The following GPC5 variants were observed in gnomAD, a reference collection of about 807,000 sequenced individuals.
GPC5 encodes glypican 5.
A neutral mutation model predicts 53.9 loss-of-function variants in GPC5; 47 were observed. That is an observed-to-expected ratio of 0.87 (90% CI 0.69 to 1.11). The LOEUF (loss-of-function observed/expected upper bound fraction) is 1.11, where lower values mean the gene tolerates loss of function less well. GPC5 is among the 50% of genes most tolerant of loss of function. The probability of loss-of-function intolerance (pLI) is 0.00; values close to 1 mark genes in which losing one functional copy is unlikely to be tolerated. For missense variants in GPC5, 748 were observed against 713.1 expected, an observed-to-expected ratio of 1.05 and a Z score of -0.56; for synonymous variants, 286 against 263.3, an observed-to-expected ratio of 1.09 and a Z score of -0.84.
At position 92,347,891 on chromosome 13, in the gene GPC5, TTATATATATA is replaced by T. The variant is rs1566549877; in HGVS notation, c.1561+202903_1561+202912del. On this transcript the variant is annotated intron_variant, in intron 7 of 7. Coordinates refer to ENST00000377067, the MANE Select transcript of GPC5 (RefSeq NM_004466.6). The stretch of plus-strand genomic sequence containing the variant: ...ATATATATAATATATATTATATATA[TTATATATATA>T]ATATATATATAATATATATATATTA... 5.6e-3 allele frequency among the ~76,000 whole-genome samples: 91 copies of T among 16,358 alleles called. 19 individuals are homozygous for T. Among genetic ancestry groups the T allele is most frequent in the Non-Finnish European group, 4.2e-3 (50 of 12,024 alleles). 10.7% of individuals were successfully genotyped at this position (16,358 alleles called of 152,430 possible).
At chr13:91,808,602 A>G (rs2038260422) in intron 5 of GPC5, among the ~76,000 whole-genome samples, 1 of 152,202 alleles carries the variant, frequency 6.6e-6, no homozygotes, top group South Asian at 2.1e-4. Flanking sequence ...ATGCTACAAA[A>G]GAGGAAATAC....
chr13:92,794,372 T>C (rs1876578897), intron 7 of GPC5, among the ~76,000 whole-genome samples: 1 of 152,136 alleles, frequency 6.6e-6, no homozygotes, highest in Non-Finnish European at 1.5e-5. Context: ...TAGGTATTGA[T>C]GGGACGCATC....
intron 6 of GPC5, among the ~76,000 whole-genome samples, chr13:92,111,706 A>AG (rs1243789522): frequency 3.9e-5 from 6 of 152,192 alleles, no homozygotes; most frequent in Admixed American, 2.0e-4. Context: ...TCCAAAAAAA[A>AG]GGTGATAACT....
At chr13:92,073,788 C>A (rs1415243974) in intron 6 of GPC5, among the ~76,000 whole-genome samples, 2 of 152,128 alleles carry the variant, frequency 1.3e-5, no homozygotes, top group African/African-American at 4.8e-5. Flanking sequence ...TTCGCTGTGT[C>A]CCCACCTAAA....
At chr13:91,593,786 AAT>A (rs1156970146) in intron 2 of GPC5, among the ~76,000 whole-genome samples, 1 of 152,208 alleles carries the variant, frequency 6.6e-6, no homozygotes, top group Admixed American at 6.5e-5. Context: ...TCATTTCATA[AAT>A]ATATTATTTC....
intron 5 of GPC5, among the ~76,000 whole-genome samples, chr13:91,771,628 A>G (rs1169857137): frequency 1.3e-5 from 2 of 152,340 alleles, no homozygotes; most frequent in African/African-American, 4.8e-5. Flanking sequence ...ATGCTACAGA[A>G]GAAGAGGGTT....
At chr13:92,647,893 C>T (rs1312483054) in intron 7 of GPC5, among the ~76,000 whole-genome samples, 1 of 151,892 alleles carries the variant, frequency 6.6e-6, no homozygotes, top group East Asian at 1.9e-4. Flanking sequence ...TTTTCAGACT[C>T]TAATATGATG....
At chr13:92,401,958 T>A (rs960225271) in intron 7 of GPC5, among the ~76,000 whole-genome samples, 4 of 152,186 alleles carry the variant, frequency 2.6e-5, no homozygotes, top group Non-Finnish European at 4.4e-5. Flanking sequence ...GGAAGAATAA[T>A]TTGAATGCTC....
intron 7 of GPC5, among the ~76,000 whole-genome samples, chr13:92,424,173 C>T (rs1787171210): frequency 6.6e-6 from 1 of 152,030 alleles, no homozygotes; most frequent in Non-Finnish European, 1.5e-5. Context: ...GAAAATTCCT[C>T]TAGGGTTATT....
chr13:92,197,095 G>A (rs1032355293), intron 7 of GPC5, among the ~76,000 whole-genome samples: 13 of 152,138 alleles, frequency 8.5e-5, no homozygotes, highest in East Asian at 7.7e-4. Context: ...CAAAGTCTCC[G>A]CTCCTGCGAA....
chr13:91,978,269 C>T (rs978945997), intron 6 of GPC5, among the ~76,000 whole-genome samples: 3 of 152,154 alleles, frequency 2.0e-5, no homozygotes, highest in Non-Finnish European at 2.9e-5. Flanking sequence ...TTTTCCAAAT[C>T]GTATTAACAC....
chr13:92,140,355 A>C (rs964894262), intron 6 of GPC5, among the ~76,000 whole-genome samples: 3 of 152,174 alleles, frequency 2.0e-5, no homozygotes, highest in Non-Finnish European at 2.9e-5. Flanking sequence ...CTTCTGGGCC[A>C]AATTTGAACT....
chr13:92,699,727 G>A lies in GPC5; in HGVS notation c.1562-166555G>A, dbSNP rs1351882503. Among the ~76,000 whole-genome samples the A allele has an allele frequency of 2.0e-5, 3 of 152,118 alleles. No individual in the cohort carries two copies. The South Asian group carries it at 6.2e-4, about 31-fold the overall frequency. ...GAGCAGGTTGTTCAGTTTCCATGTA[G>A]TTGTGCAATTTTGAGTGAGTTTCTT... On this transcript the variant is annotated intron_variant, in intron 7 of 7. Coordinates refer to ENST00000377067, the MANE Select transcript of GPC5 (RefSeq NM_004466.6).
At chr13:92,210,797 A>G (rs559832497) in intron 7 of GPC5, among the ~76,000 whole-genome samples, 25 of 152,322 alleles carry the variant, frequency 1.6e-4, no homozygotes, top group African/African-American at 5.8e-4. Flanking sequence ...GACTATAGTA[A>G]GTCTGGTTTC....
At chr13:91,651,933 G>C (rs2034720994) in intron 2 of GPC5, among the ~76,000 whole-genome samples, 1 of 152,128 alleles carries the variant, frequency 6.6e-6, no homozygotes, top group South Asian at 2.1e-4. Flanking sequence ...TAAGAAACTG[G>C]TTAAGGGAAC....
chr13:91,566,350 G>A (rs2031528144), intron 2 of GPC5, among the ~76,000 whole-genome samples: 1 of 152,058 alleles, frequency 6.6e-6, no homozygotes, highest in South Asian at 2.1e-4. Flanking sequence ...CAGATCACGA[G>A]GTCAAGAGAT....
chr13:92,085,501 G>C (rs1249485778), intron 6 of GPC5, among the ~76,000 whole-genome samples: 1 of 152,170 alleles, frequency 6.6e-6, no homozygotes, highest in Non-Finnish European at 1.5e-5. Flanking sequence ...TTGGCACCAG[G>C]GGAGTGGTTT....
intron 4 of GPC5, among the ~76,000 whole-genome samples, chr13:91,745,366 C>G (rs2140087901): frequency 6.6e-6 from 1 of 152,064 alleles, no homozygotes; most frequent in Middle Eastern, 3.4e-3. Context: ...CAGCTCAAGG[C>G]TAGAATCAAA....
At chr13:92,791,817 A>T (rs568984386) in intron 7 of GPC5, among the ~76,000 whole-genome samples, 2 of 152,118 alleles carry the variant, frequency 1.3e-5, no homozygotes, top group South Asian at 4.1e-4. Context: ...CATTTACTAC[A>T]TTATTATTTT....
Sources: gnomAD v4.1 joint callset for allele counts (sites outside exome capture counted in the v4.1 genomes callset) on GRCh38, gnomAD v4.1.1 for gene constraint, MANE v1.5 for transcripts, NCBI Gene and HGNC (gene_info 2026-07-23, HGNC 2026-07-21) for gene names.